ST7: variants seen among roughly 807,000 people sequenced by gnomAD.
The protein encoded by ST7 is suppressor of tumorigenicity 7 protein.
ST7 carries 28 observed loss-of-function variants against 78.7 expected under a neutral mutation model. That is an observed-to-expected ratio of 0.36 (90% CI 0.26 to 0.49). The LOEUF is 0.49. Among genes scored for constraint, ST7 ranks in the 20% least tolerant of loss-of-function variants. The pLI is 0.99. For missense variants in ST7, 418 were observed against 696.0 expected, an observed-to-expected ratio of 0.60 and a Z score of 4.49; for synonymous variants, 247 against 249.6, an observed-to-expected ratio of 0.99 and a Z score of 0.10.
At chr7:117,036,261 A>G (rs1202382013) in intron 1 of ST7, among the ~76,000 whole-genome samples, 1 of 152,192 alleles carries the variant, frequency 6.6e-6, no homozygotes, top group African/African-American at 2.4e-5. Context: ...CACCTCCCTA[A>G]TGGTGACCAG....
intron 1 of ST7, among the ~76,000 whole-genome samples, chr7:116,993,082 T>C (rs551291428): frequency 6.6e-6 from 1 of 152,304 alleles, no homozygotes; most frequent in East Asian, 1.9e-4. Context: ...GTTCCAGTCT[T>C]TCCCACATTT....
At chr7:117,107,118 T>C (rs567954841) in intron 2 of ST7, among the ~76,000 whole-genome samples, 2 of 152,290 alleles carry the variant, frequency 1.3e-5, no homozygotes, top group South Asian at 4.2e-4. Context: ...TATGTGTATA[T>C]ATATATATAT....
At chr7:116,955,681 C>T (rs1792433926) in intron 1 of ST7, among the ~76,000 whole-genome samples, 1 of 151,890 alleles carries the variant, frequency 6.6e-6, no homozygotes, top group Admixed American at 6.6e-5. Context: ...AAATAATTAC[C>T]CATGTATATA....
At chr7:117,029,621 T>C (rs544719266) in intron 1 of ST7, among the ~76,000 whole-genome samples, 1 of 152,130 alleles carries the variant, frequency 6.6e-6, no homozygotes, top group East Asian at 1.9e-4. Context: ...TGTAAAAATA[T>C]TTTGCTTATG....
intron 4 of ST7, 24 bp from the exon 5 acceptor site, chr7:117,130,467 A>G (rs1362076852): frequency 6.4e-7 from 1 of 1,554,096 alleles, no homozygotes; most frequent in Non-Finnish European, 8.8e-7. Flanking sequence ...AAAAGTGTCT[A>G]ATCATCTTAT....
At chr7:117,205,861 A>C (rs1367251933) in intron 12 of ST7, among the ~76,000 whole-genome samples, 1 of 152,244 alleles carries the variant, frequency 6.6e-6, no homozygotes, top group Non-Finnish European at 1.5e-5. Flanking sequence ...GGCGGGCAAA[A>C]TAGCACAGAA....
chr7:116,994,954 A>G (rs1794584910), intron 1 of ST7, among the ~76,000 whole-genome samples: 1 of 151,976 alleles, frequency 6.6e-6, no homozygotes, highest in African/African-American at 2.4e-5. Context: ...ATCAGGATCG[A>G]CTTTTTCAGT....
chr7:116,965,607 ATGTTT>A (rs1351252401), intron 1 of ST7, among the ~76,000 whole-genome samples: 1 of 152,132 alleles, frequency 6.6e-6, no homozygotes, highest in African/African-American at 2.4e-5. Flanking sequence ...ATTCCTATAA[ATGTTT>A]TGTACACTGT....
At chr7:117,051,513 T>C (rs1371299321) in intron 1 of ST7, among the ~76,000 whole-genome samples, 2 of 152,112 alleles carry the variant, frequency 1.3e-5, no homozygotes, top group Non-Finnish European at 2.9e-5. Flanking sequence ...CTCATATCCA[T>C]GGTGTGGAAT....
intron 1 of ST7, among the ~76,000 whole-genome samples, chr7:116,981,646 T>C (rs1382607685): frequency 6.6e-6 from 1 of 152,246 alleles, no homozygotes; most frequent in Admixed American, 6.5e-5. Context: ...GTAAATTCTT[T>C]ATCAGACGCT....
At chr7:117,045,540 C>G (rs890629891) in intron 1 of ST7, among the ~76,000 whole-genome samples, 1 of 152,162 alleles carries the variant, frequency 6.6e-6, no homozygotes, top group Non-Finnish European at 1.5e-5. Flanking sequence ...CTGCCCTGAC[C>G]ATCCTACTTG....
At chr7:117,223,274 G>A in intron 15 of ST7, 1 of 376,046 alleles carries the variant, frequency 2.7e-6, no homozygotes, top group South Asian at 3.6e-5. Context: ...GTCTTAACTG[G>A]TCTCCTTGCT....
chr7:116,988,018 C>T (rs1442419555), intron 1 of ST7, among the ~76,000 whole-genome samples: 2 of 152,256 alleles, frequency 1.3e-5, no homozygotes, highest in African/African-American at 4.8e-5. Flanking sequence ...TGAGCCACTG[C>T]ACCCAGCCCA....
intron 1 of ST7, among the ~76,000 whole-genome samples, chr7:116,976,654 T>A (rs1273022599): frequency 6.6e-6 from 1 of 152,154 alleles, no homozygotes; most frequent in East Asian, 1.9e-4. Context: ...ATCCGTGAGG[T>A]AGGGCTATAT....
chr7:117,217,019 T>C (rs1206852959), intron 13 of ST7, among the ~76,000 whole-genome samples: 3 of 152,162 alleles, frequency 2.0e-5, no homozygotes, highest in Admixed American at 1.3e-4. Flanking sequence ...TGCCAAATAT[T>C]GGAGTGAAAA....
At chr7:117,203,015 TC>T (rs1811026565) in intron 12 of ST7, among the ~76,000 whole-genome samples, 1 of 152,160 alleles carries the variant, frequency 6.6e-6, no homozygotes, top group Non-Finnish European at 1.5e-5. Context: ...TATGCAGGTT[TC>T]CCATCCCATG....
intron 1 of ST7, among the ~76,000 whole-genome samples, chr7:117,095,581 G>A (rs1800968209): frequency 6.6e-6 from 1 of 152,184 alleles, no homozygotes; most frequent in African/African-American, 2.4e-5. Context: ...TAACTGAGGT[G>A]ATATTCTTTG....
chr7:117,002,000 C>A (rs545239542), intron 1 of ST7, among the ~76,000 whole-genome samples: 1 of 151,992 alleles, frequency 6.6e-6, no homozygotes, highest in Non-Finnish European at 1.5e-5. Context: ...CTGAGGCGGA[C>A]GGATCACGAG....
intron 1 of ST7, among the ~76,000 whole-genome samples, chr7:116,992,924 G>T (rs965979017): frequency 6.6e-6 from 1 of 152,182 alleles, no homozygotes; most frequent in Non-Finnish European, 1.5e-5. Flanking sequence ...GCAAAGTGCC[G>T]CCAGTCTCTT....
Sources: gnomAD v4.1 joint callset for allele counts (sites outside exome capture counted in the v4.1 genomes callset) on GRCh38, gnomAD v4.1.1 for gene constraint, MANE v1.5 for transcripts, NCBI Gene and HGNC (gene_info 2026-07-23, HGNC 2026-07-21) for gene names.